SNRPE: variants seen among roughly 807,000 people sequenced by gnomAD.
SNRPE encodes small nuclear ribonucleoprotein E.
For missense variants in SNRPE, 53 were observed against 111.6 expected, an observed-to-expected ratio of 0.48 and a Z score of 2.36; for synonymous variants, 35 against 36.7, an observed-to-expected ratio of 0.95 and a Z score of 0.17.
chr1:203,866,777 G>C (rs144718288), intron 4 of SNRPE, among the ~76,000 whole-genome samples: 132 of 151,776 alleles, frequency 8.7e-4, no homozygotes, highest in Middle Eastern at 3.4e-3. Flanking sequence ...AAAATCTAAT[G>C]ATTCTGCAAA....
intron 3 of SNRPE, 30 bp downstream of exon 3, chr1:203,863,755 C>T (rs1417477732): frequency 6.9e-7 from 1 of 1,442,892 alleles, no homozygotes; most frequent in South Asian, 1.1e-5. Context: ...CATCTCATAG[C>T]AGTTCGGTCG....
intron 4 of SNRPE, among the ~76,000 whole-genome samples, chr1:203,867,657 C>T (rs1214481023): frequency 6.6e-6 from 1 of 152,078 alleles, no homozygotes; most frequent in Non-Finnish European, 1.5e-5. Flanking sequence ...ACTGATATGA[C>T]AGGAGGCAGA....
chr1:203,865,854 A>G (rs1395058881), intron 4 of SNRPE, among the ~76,000 whole-genome samples: 1 of 152,178 alleles, frequency 6.6e-6, no homozygotes, highest in East Asian at 1.9e-4. Context: ...GTTATAAAGG[A>G]TATTACAAAA....
chr1:203,869,798 A>G, intron 4 of SNRPE, 79 bp from the exon 5 acceptor site: 1 of 1,002,598 alleles, frequency 1.0e-6, no homozygotes, highest in Non-Finnish European at 1.5e-6. Flanking sequence ...ATATTGTTCA[A>G]AAACTGGATA....
intron 4 of SNRPE, among the ~76,000 whole-genome samples, chr1:203,867,270 ACT>A (rs1485128185): frequency 1.6e-4 from 13 of 79,132 alleles, no homozygotes; most frequent in African/African-American, 5.5e-4. Flanking sequence ...ACACAGCGAG[ACT>A]CTGTCTCAAA....
rs1690197243 is a variant in SNRPE at position 203,870,687 on chromosome 1, G to A, written c.*755G>A. 1 of 152,192 alleles carries A rather than the reference G, an allele frequency of 6.6e-6. No individual in the cohort carries two copies. Among genetic ancestry groups the A allele is most frequent in the Non-Finnish European group, 1.5e-5 (1 of 68,040 alleles). The allele number at this position is 152,192 out of a possible 1,614,324, so 9.4% of individuals were successfully genotyped here. ...AATTTTGGTTCTTCCCCCAGTGATT[G>A]CTGGTTGAATTCTTATATGGACAGG... On this transcript the variant is annotated 3_prime_UTR_variant, in exon 5 of 5. Transcript: ENST00000414487.
chr1:203,863,265 T>C (rs551254852), intron 2 of SNRPE, among the ~76,000 whole-genome samples: 2 of 150,044 alleles, frequency 1.3e-5, no homozygotes, highest in East Asian at 4.1e-4. Flanking sequence ...AAGCGAATTA[T>C]TCCGCTTTGG....
At chr1:203,868,780 C>G (rs1183990529) in intron 4 of SNRPE, among the ~76,000 whole-genome samples, 1 of 150,594 alleles carries the variant, frequency 6.6e-6, no homozygotes, top group Admixed American at 6.7e-5. Flanking sequence ...AGCGATTCTC[C>G]TGCCTCAGCC....
intron 4 of SNRPE, among the ~76,000 whole-genome samples, chr1:203,866,449 A>G (rs938687139): frequency 6.6e-6 from 1 of 152,190 alleles, no homozygotes; most frequent in Non-Finnish European, 1.5e-5. Context: ...TTCAGTTACC[A>G]TCTATAAATA....
chr1:203,864,876 CAA>C lies in SNRPE; in HGVS notation c.145-141_145-140del, dbSNP rs61506397. ...TGGAAGACAAAGTGAGATCCTTTCTCAAAAAAAAAAAAAAAAAAAAAAAAACT... is the reference window on the plus strand; with the variant it reads ...TGGAAGACAAAGTGAGATCCTTTCTCAAAAAAAAAAAAAAAAAAAAAAACT... On this transcript the variant is annotated intron_variant, in intron 3 of 4. Transcript: ENST00000414487. Among the ~76,000 whole-genome samples, 93 of 119,284 alleles carry C rather than the reference CAA, an allele frequency of 7.8e-4. No homozygotes were observed. The East Asian group carries it at 0.016, about 20-fold the overall frequency. 78.3% of individuals were successfully genotyped at this position (119,284 alleles called of 152,430 possible). A position where few individuals can be genotyped will look rare whatever the true frequency, so the allele number is the denominator to read the frequency against.
intron 3 of SNRPE, among the ~76,000 whole-genome samples, chr1:203,863,982 C>G (rs1411944755): frequency 6.6e-6 from 1 of 151,982 alleles, no homozygotes; most frequent in Non-Finnish European, 1.5e-5. Flanking sequence ...TGAGAAAGGG[C>G]TTTGTTCTGT....
At chr1:203,862,101 T>C in intron 1 of SNRPE, 95 bp from the exon 2 acceptor site, 1 of 995,200 alleles carries the variant, frequency 1.0e-6, no homozygotes, top group Admixed American at 1.8e-5. Context: ...TCGCGTTTAG[T>C]AAACAAAGGT....
At position 203,866,286 on chromosome 1, in the gene SNRPE, C is replaced by T. The variant is rs148147050; in HGVS notation, c.223+1167C>T. 9.4e-4 allele frequency among the ~76,000 whole-genome samples: 143 copies of T among 152,278 alleles called. 4 individuals carry two copies. The South Asian group carries it at 0.018, about 19-fold the overall frequency. Reference sequence around the variant, plus strand: ...TTTGCAGTATCACACCTTGGCTCTACGATATTATACTTGGGTTTTTATTTT... The same window carrying T: ...TTTGCAGTATCACACCTTGGCTCTATGATATTATACTTGGGTTTTTATTTT... On this transcript the variant is annotated intron_variant, in intron 4 of 4. Coordinates refer to ENST00000414487, the MANE Select transcript of SNRPE (RefSeq NM_003094.4).
chr1:203,864,876 CAAAAAAA>C (rs61506397), intron 3 of SNRPE, among the ~76,000 whole-genome samples, 158 bp from the exon 4 acceptor site: 11 of 119,300 alleles, frequency 9.2e-5, no homozygotes, highest in South Asian at 5.8e-4. Flanking sequence ...GATCCTTTCT[CAAAAAAA>C]AAAAAAAAAA....
At chr1:203,863,613 C>T in intron 2 of SNRPE, 50 bp from the exon 3 acceptor site, 1 of 1,393,614 alleles carries the variant, frequency 7.2e-7, no homozygotes, top group African/African-American at 1.4e-5. Flanking sequence ...GCCACCGCGC[C>T]CGGCCCTATT....
chr1:203,862,846 C>T (rs562092722), intron 2 of SNRPE, among the ~76,000 whole-genome samples: 2 of 152,186 alleles, frequency 1.3e-5, no homozygotes, highest in East Asian at 1.9e-4. Context: ...CATGAGAAGG[C>T]TTTGTTTTGG....
rs570277971 is a variant in SNRPE, at chr1:203,861,631, T to G, written c.-29T>G. The G allele has an allele frequency of 5.6e-6, 9 of 1,596,650 alleles. No individual in the cohort carries two copies. Among genetic ancestry groups the G allele is most frequent in the Non-Finnish European group, 7.7e-6 (9 of 1,164,034 alleles). The stretch of plus-strand genomic sequence containing the variant: ...CCGGAAGTTGCTCTCAGAGGCAGCG[T>G]GCGGGTGTGCTCTTTGTGAAATTCC... On this transcript the variant is annotated 5_prime_UTR_variant, in exon 1 of 5. Coordinates refer to ENST00000414487, the MANE Select transcript of SNRPE (RefSeq NM_003094.4).
intron 2 of SNRPE, among the ~76,000 whole-genome samples, chr1:203,862,982 A>G (rs1184514901): frequency 6.6e-6 from 1 of 152,118 alleles, no homozygotes; most frequent in African/African-American, 2.4e-5. Flanking sequence ...GAGTCCCAAA[A>G]TCACAGGAAA....
At position 203,865,076 on chromosome 1, in the gene SNRPE, T is replaced by C. The variant is rs752611808; in HGVS notation, c.180T>C (p.Asp60=). 2.5e-6 allele frequency: 4 copies of C among 1,613,070 alleles called. No individual in the cohort carries two copies. In the Admixed American group the frequency reaches 6.7e-5, roughly 27 times the overall value. The change falls in exon 4 of 5, where the codon GAT becomes GAC. Residue 60 remains aspartate (D), a synonymous_variant. Transcript: ENST00000414487. ...AGTATATGAACCTTGTATTAGATGA[T>C]GCAGAAGAGATTCATTCTAAAACAA... ...FDEYMNLVLD[D]AEEIHSKTKS...
Sources: allele counts gnomAD v4.1 joint callset (sites outside exome capture counted in the v4.1 genomes callset), GRCh38; gene constraint gnomAD v4.1.1; transcripts MANE v1.5; gene names NCBI Gene and HGNC (gene_info 2026-07-23, HGNC 2026-07-21).